PRKN: variants seen among roughly 807,000 people sequenced by gnomAD.
PRKN encodes E3 ubiquitin-protein ligase parkin.
A neutral mutation model predicts 59.5 loss-of-function variants in PRKN; 56 were observed. The observed-to-expected ratio is 0.94, with a 90% CI of 0.76 to 1.18. PRKN has a LOEUF of 1.18. Among genes scored for constraint, PRKN ranks in the 50% most tolerant of loss-of-function variants. The pLI, the probability that PRKN is intolerant of heterozygous loss-of-function variation, is 0.00. For synonymous variants in PRKN, 250 were observed against 222.1 expected (o/e 1.13, Z -1.12); for missense variants, 657 against 596.4 (o/e 1.10, Z -1.06).
intron 9 of PRKN, among the ~76,000 whole-genome samples, chr6:161,438,512 G>A (rs1480092025): frequency 1.3e-5 from 2 of 151,958 alleles, no homozygotes; most frequent in East Asian, 3.9e-4. Context: ...CACTGCGCCC[G>A]GCTGAATTCT....
chr6:162,620,354 TA>T (rs970335358), intron 1 of PRKN, among the ~76,000 whole-genome samples: 46 of 152,246 alleles, frequency 3.0e-4, no homozygotes, highest in East Asian at 1.7e-3. Context: ...TTAATTACAT[TA>T]TTTTTTTTCT....
At chr6:162,292,271 A>G (rs572872937) in intron 2 of PRKN, among the ~76,000 whole-genome samples, 6 of 152,074 alleles carry the variant, frequency 3.9e-5, no homozygotes, top group African/African-American at 1.2e-4. Flanking sequence ...GCCTCTTCCA[A>G]GTTATTCTGT....
intron 1 of PRKN, among the ~76,000 whole-genome samples, chr6:162,523,864 T>G (rs1778171182): frequency 6.6e-6 from 1 of 151,614 alleles, no homozygotes; most frequent in Non-Finnish European, 1.5e-5. Flanking sequence ...AAAGAAATTA[T>G]GTTTAAAAAA....
rs550919870 is a variant in PRKN, at chr6:162,110,673, CA to C, written c.535-56500del. ...TATCCCACATCTTGTCTACTAATTG[CA>C]TAAGAAAAAGGCAACCTTGAAACAG... On this transcript the variant is annotated intron_variant, in intron 4 of 11. Coordinates refer to ENST00000366898, the MANE Select transcript of PRKN (RefSeq NM_004562.3). 3.4e-4 allele frequency among the ~76,000 whole-genome samples: 51 copies of C among 152,208 alleles called. 1 individual carries two copies. Among genetic ancestry groups the C allele is most frequent in the South Asian group, 3.3e-3 (16 of 4,814 alleles).
chr6:161,718,704 T>C (rs945074452), intron 7 of PRKN, among the ~76,000 whole-genome samples: 1 of 152,146 alleles, frequency 6.6e-6, no homozygotes, highest in African/African-American at 2.4e-5. Context: ...GATGGCCTGA[T>C]ACCTGTTGTA....
At chr6:162,363,315 C>T (rs1785251625) in intron 2 of PRKN, among the ~76,000 whole-genome samples, 1 of 151,988 alleles carries the variant, frequency 6.6e-6, no homozygotes, top group Non-Finnish European at 1.5e-5. Context: ...TGCTGTAATT[C>T]AATTTGGTTT....
chr6:162,013,676 G>A (rs971323224), intron 5 of PRKN, among the ~76,000 whole-genome samples: 1 of 152,082 alleles, frequency 6.6e-6, no homozygotes, highest in Non-Finnish European at 1.5e-5. Context: ...TTCCTTCTGT[G>A]ACACTGATAA....
intron 1 of PRKN, among the ~76,000 whole-genome samples, chr6:162,614,413 C>T (rs1028608946): frequency 6.6e-6 from 1 of 152,040 alleles, no homozygotes; most frequent in African/African-American, 2.4e-5. Context: ...ATTTTCATTG[C>T]CCTTGTAAAA....
At chr6:162,727,047 C>G (rs893891600) in intron 1 of PRKN, 1 of 151,702 alleles carries the variant, frequency 6.6e-6, no homozygotes, top group African/African-American at 2.4e-5. Context: ...TAGATTTAAT[C>G]TTGGCTACTA....
At chr6:162,357,361 T>C (rs1784918503) in intron 2 of PRKN, among the ~76,000 whole-genome samples, 1 of 152,044 alleles carries the variant, frequency 6.6e-6, no homozygotes. Flanking sequence ...AATAAATAAA[T>C]ACAGCTGGCA....
In PRKN at chr6:161,414,392, A is replaced by C. The variant is rs973593378; in HGVS notation, c.1084-27515T>G. Among the ~76,000 whole-genome samples the C allele has an allele frequency of 6.6e-6, 1 of 152,158 alleles. No homozygotes were observed. The highest frequency in any genetic ancestry group is 2.4e-5 in the African/African-American group (1 of 41,420). On this transcript the variant is annotated intron_variant, in intron 9 of 11. Coordinates refer to ENST00000366898, the MANE Select transcript of PRKN (RefSeq NM_004562.3). This position sits in a 1 kb window ranked among gnomAD's most constrained non-coding sequence, Gnocchi z 5.3. ...TTAGATGCACCCGAGGCCCCAGGCA[A>C]AGGTTTCTGCCTGAGACAGTCCTTG... is the stretch of plus-strand genomic sequence containing the variant.
chr6:162,212,833 GCAGTAACTGTAA>G (rs1750022794), intron 3 of PRKN, among the ~76,000 whole-genome samples: 1 of 152,170 alleles, frequency 6.6e-6, no homozygotes, highest in South Asian at 2.1e-4. Flanking sequence ...AATACTGCAG[GCAGTAACTGTAA>G]CAGTAACTGT....
intron 7 of PRKN, among the ~76,000 whole-genome samples, chr6:161,771,381 AT>A (rs747267173): frequency 0.047 from 6,423 of 136,974 alleles, 569 homozygotes; most frequent in African/African-American, 0.15. Context: ...ATAAAATAAA[AT>A]AAAATAAAAT....
At chr6:161,427,607 A>T (rs1788438078) in intron 9 of PRKN, among the ~76,000 whole-genome samples, 1 of 152,194 alleles carries the variant, frequency 6.6e-6, no homozygotes, top group South Asian at 2.1e-4. Context: ...CTGACATGTG[A>T]AAGTGAAACA....
chr6:162,201,326 T>G lies in PRKN; in HGVS notation c.413-74A>C, dbSNP rs924691066. The G allele has an allele frequency of 6.2e-6, 9 of 1,452,804 alleles. No homozygotes were observed. In the Admixed American group the frequency reaches 1.5e-4, roughly 24 times the overall value. 90.0% of individuals were successfully genotyped at this position (1,452,804 alleles called of 1,614,324 possible). A position where few individuals can be genotyped will look rare whatever the true frequency, so the allele number is the denominator to read the frequency against. On this transcript the variant is annotated intron_variant, in intron 3 of 11. Coordinates refer to ENST00000366898, the MANE Select transcript of PRKN (RefSeq NM_004562.3). ...TGAGACAAGAAACTCTTTAAAAGCT[T>G]GTTAGAGGCAAATTTTAAAACTCAG...
chr6:161,605,332 A>G (rs1398487174), intron 7 of PRKN, among the ~76,000 whole-genome samples: 1 of 152,182 alleles, frequency 6.6e-6, no homozygotes, highest in African/African-American at 2.4e-5. Context: ...TATTACATGT[A>G]CATATAGAAT....
intron 1 of PRKN, among the ~76,000 whole-genome samples, chr6:162,594,781 A>AT (rs1384172732): frequency 1.3e-5 from 2 of 152,184 alleles, no homozygotes; most frequent in Non-Finnish European, 2.9e-5. Flanking sequence ...TGAACATGAT[A>AT]TTTTTTGGAT....
At chr6:162,714,696 A>C (rs990884608) in intron 1 of PRKN, among the ~76,000 whole-genome samples, 4 of 152,222 alleles carry the variant, frequency 2.6e-5, no homozygotes, top group African/African-American at 9.6e-5. Flanking sequence ...ATATGTTTCT[A>C]CTGAGAGCAT....
intron 7 of PRKN, among the ~76,000 whole-genome samples, chr6:161,631,883 A>G (rs1783328358): frequency 6.6e-6 from 1 of 152,190 alleles, no homozygotes; most frequent in African/African-American, 2.4e-5. Flanking sequence ...ATATCCTGAC[A>G]TGCATTCTTA....
Sources: allele counts gnomAD v4.1 joint callset (sites outside exome capture counted in the v4.1 genomes callset), GRCh38; gene constraint gnomAD v4.1.1; non-coding constraint Gnocchi (gnomAD v3.1); transcripts MANE v1.5; gene names NCBI Gene and HGNC (gene_info 2026-07-23, HGNC 2026-07-21).